PTGER3: variants seen among roughly 807,000 people sequenced by gnomAD.
The protein encoded by PTGER3 is prostaglandin E2 receptor EP3 subtype.
In PTGER3, 22 loss-of-function variants were observed where a neutral mutation model predicts 34.7. That is an observed-to-expected ratio of 0.63 (90% CI 0.45 to 0.91). The LOEUF (loss-of-function observed/expected upper bound fraction) is 0.91, where lower values mean the gene tolerates loss of function less well. Ranked by LOEUF, PTGER3 falls within the 40% of genes least tolerant of loss-of-function variation. The pLI, the probability that PTGER3 is intolerant of heterozygous loss-of-function variation, is 0.00. For synonymous variants in PTGER3, 241 were observed against 230.1 expected (o/e 1.05, Z -0.43); for missense variants, 468 against 519.4 (o/e 0.90, Z 0.96).
intron 4 of PTGER3, among the ~76,000 whole-genome samples, chr1:70,853,761 G>A (rs1267715518): frequency 1.3e-5 from 2 of 152,158 alleles, no homozygotes; most frequent in African/African-American, 4.8e-5. Context: ...GTGTGGTACT[G>A]ACATAAGGAC....
At chr1:70,937,347 A>G (rs898186315) in intron 4 of PTGER3, among the ~76,000 whole-genome samples, 1 of 152,202 alleles carries the variant, frequency 6.6e-6, no homozygotes, top group African/African-American at 2.4e-5. Flanking sequence ...CATTTAATGG[A>G]CATCATTTAT....
intron 2 of PTGER3, among the ~76,000 whole-genome samples, chr1:71,004,974 G>A (rs1656816273): frequency 6.6e-6 from 1 of 152,216 alleles, no homozygotes; most frequent in African/African-American, 2.4e-5. Flanking sequence ...TGGGTACATA[G>A]CACCTGTTTA....
chr1:70,938,801 G>T (rs1005202219), intron 4 of PTGER3, among the ~76,000 whole-genome samples: 3 of 152,072 alleles, frequency 2.0e-5, no homozygotes, highest in Non-Finnish European at 4.4e-5. Flanking sequence ...CTCACATTAG[G>T]CTCCTTCCAC....
intron 2 of PTGER3, among the ~76,000 whole-genome samples, chr1:70,990,815 T>A (rs1332244060): frequency 6.6e-6 from 1 of 152,058 alleles, no homozygotes; most frequent in Non-Finnish European, 1.5e-5. Flanking sequence ...TATGTACCAC[T>A]CCACAATCAT....
At chr1:70,968,037 C>T (rs1487804442), downstream of PTGER3, among the ~76,000 whole-genome samples, 1 of 152,162 alleles carries the variant, frequency 6.6e-6, no homozygotes, top group African/African-American at 2.4e-5. Flanking sequence ...CATGGCTTGG[C>T]ATGCTTGTTC....
At chr1:71,017,896 C>T (rs758339670) in intron 1 of PTGER3, among the ~76,000 whole-genome samples, 1 of 152,168 alleles carries the variant, frequency 6.6e-6, no homozygotes, top group Admixed American at 6.5e-5. Flanking sequence ...TCCCAAGTAG[C>T]TGGGATCACA....
intron 4 of PTGER3, among the ~76,000 whole-genome samples, chr1:70,874,730 C>T (rs1346060049): frequency 1.3e-5 from 2 of 152,128 alleles, no homozygotes; most frequent in Admixed American, 1.3e-4. Context: ...TGTTTGTTCC[C>T]TTCCAGAACT....
intron 4 of PTGER3, among the ~76,000 whole-genome samples, chr1:70,905,669 T>G (rs1378736739): frequency 6.6e-6 from 1 of 152,166 alleles, no homozygotes; most frequent in Admixed American, 6.5e-5. Flanking sequence ...CCAACGCCTG[T>G]ACCCTCATTG....
rs114070392 is a variant in PTGER3, at chr1:70,922,555, T to C, written c.*23+31208A>G. On this transcript the variant is annotated intron_variant, in intron 4 of 4. Coordinates refer to the PTGER3 transcript ENST00000370931. The stretch of plus-strand genomic sequence containing the variant: ...GTGCTGGAAAAAGCCAGCCCTTATC[T>C]GCACTTCTGTCTGGGTCCTAGGCTC... Among the ~76,000 whole-genome samples, 199 of 152,202 alleles carry C rather than the reference T, an allele frequency of 1.3e-3. 1 individual carries two copies. The highest frequency in any genetic ancestry group is 4.3e-3 in the African/African-American group (179 of 41,548).
intron 4 of PTGER3, among the ~76,000 whole-genome samples, chr1:70,942,587 G>A (rs1649859465): frequency 6.6e-6 from 1 of 152,020 alleles, no homozygotes; most frequent in Non-Finnish European, 1.5e-5. Context: ...TTTAAGACTG[G>A]GTCAAGCAAC....
At chr1:70,968,683 C>A (rs1652784347), downstream of PTGER3, among the ~76,000 whole-genome samples, 1 of 151,642 alleles carries the variant, frequency 6.6e-6, no homozygotes, top group Non-Finnish European at 1.5e-5. Context: ...TTCTGTGAAA[C>A]TAAAACTACT....
At chr1:71,034,402 C>A (rs1009082032) in intron 1 of PTGER3, among the ~76,000 whole-genome samples, 3 of 152,006 alleles carry the variant, frequency 2.0e-5, no homozygotes, top group Admixed American at 6.6e-5. Context: ...TAGCTAAGTC[C>A]CTTTATGTTT....
intron 4 of PTGER3, among the ~76,000 whole-genome samples, chr1:70,879,987 G>A (rs906390844): frequency 2.0e-5 from 3 of 152,028 alleles, no homozygotes; most frequent in Non-Finnish European, 4.4e-5. Flanking sequence ...CAGCTACTTG[G>A]GAGGCTGAGG....
At chr1:70,857,870 C>G (rs1340197053) in intron 4 of PTGER3, among the ~76,000 whole-genome samples, 1 of 152,200 alleles carries the variant, frequency 6.6e-6, no homozygotes, top group Non-Finnish European at 1.5e-5. Context: ...GCAAATAATT[C>G]ATGACTACAG....
chr1:70,959,790 T>C (rs530361474), intron 2 of PTGER3, among the ~76,000 whole-genome samples: 1 of 152,318 alleles, frequency 6.6e-6, no homozygotes, highest in African/African-American at 2.4e-5. Flanking sequence ...CAGGTCTTTA[T>C]GATTTTGGAG....
At chr1:70,998,470 C>T (rs1056091932) in intron 2 of PTGER3, among the ~76,000 whole-genome samples, 1 of 152,170 alleles carries the variant, frequency 6.6e-6, no homozygotes, top group African/African-American at 2.4e-5. Flanking sequence ...AATGTCCCCA[C>T]AACCTAGACC....
chr1:70,877,541 G>A (rs1399872081), intron 4 of PTGER3, among the ~76,000 whole-genome samples: 1 of 152,080 alleles, frequency 6.6e-6, no homozygotes, highest in African/African-American at 2.4e-5. Context: ...CGGTTCTCAA[G>A]GGAAATGCTT....
At chr1:71,039,915 AAGGACTC>A (rs1303973400) in intron 1 of PTGER3, among the ~76,000 whole-genome samples, 2 of 152,094 alleles carry the variant, frequency 1.3e-5, no homozygotes, top group African/African-American at 4.8e-5. Flanking sequence ...AGCTTGCTAA[AAGGACTC>A]AGTAATAAAG....
intron 1 of PTGER3, among the ~76,000 whole-genome samples, chr1:71,041,150 T>C (rs1183107328): frequency 1.3e-5 from 2 of 152,192 alleles, no homozygotes; most frequent in Non-Finnish European, 2.9e-5. Context: ...TATTGTTAAG[T>C]TGAATATATT....
Sources: gnomAD v4.1 joint callset for allele counts (sites outside exome capture counted in the v4.1 genomes callset) on GRCh38, gnomAD v4.1.1 for gene constraint, MANE v1.5 for transcripts, NCBI Gene and HGNC (gene_info 2026-07-23, HGNC 2026-07-21) for gene names.